Variants in ZDHHC17 observed in about 807,000 individuals in gnomAD.
ZDHHC17 encodes zDHHC palmitoyltransferase 17, also known as palmitoyltransferase ZDHHC17.
In ZDHHC17, 40 loss-of-function variants were observed where a neutral mutation model predicts 90.3. The ratio of observed to expected loss-of-function variants is 0.44; its 90% confidence interval spans 0.34 to 0.58. ZDHHC17 has a LOEUF of 0.58. ZDHHC17 is among the 20% of genes least tolerant of loss of function. ZDHHC17 has a pLI of 0.01. For missense variants in ZDHHC17, 614 were observed against 780.8 expected (o/e 0.79, Z 2.55); for synonymous variants, 235 against 252.4 (o/e 0.93, Z 0.65).
At chr12:76,816,842 T>C (rs1479373362) in intron 7 of ZDHHC17, among the ~76,000 whole-genome samples, 1 of 152,076 alleles carries the variant, frequency 6.6e-6, no homozygotes, top group African/African-American at 2.4e-5. Context: ...AGAAATAGTC[T>C]AATTACAAAC....
chr12:76,827,185 A>T (rs1436420546), intron 9 of ZDHHC17, 135 bp downstream of exon 9: 2 of 977,816 alleles, frequency 2.0e-6, no homozygotes, highest in African/African-American at 1.7e-5. Context: ...CTGTATGTGA[A>T]ATATGAGATT....
intron 2 of ZDHHC17, among the ~76,000 whole-genome samples, chr12:76,798,712 C>T (rs1307284968): frequency 1.3e-5 from 2 of 152,140 alleles, no homozygotes; most frequent in Non-Finnish European, 2.9e-5. Flanking sequence ...GAGGAGTCTT[C>T]AGGAAACTTT....
chr12:76,838,593 A>T (rs1050998471), intron 10 of ZDHHC17, among the ~76,000 whole-genome samples: 7 of 152,158 alleles, frequency 4.6e-5, no homozygotes, highest in African/African-American at 1.7e-4. Context: ...CTGTCTTAAG[A>T]TCTTGCTGAA....
At chr12:76,825,065 G>A (rs537308940) in intron 8 of ZDHHC17, among the ~76,000 whole-genome samples, 2 of 152,214 alleles carry the variant, frequency 1.3e-5, no homozygotes, top group African/African-American at 4.8e-5. Context: ...TTGGGAGTAG[G>A]AGGGAAGTTG....
At chr12:76,827,760 T>A (rs1200667176) in intron 9 of ZDHHC17, among the ~76,000 whole-genome samples, 1 of 152,110 alleles carries the variant, frequency 6.6e-6, no homozygotes, top group Non-Finnish European at 1.5e-5. Flanking sequence ...AGTTAGTGAA[T>A]CTCATTTTAG....
chr12:76,780,683 A>G (rs533892175), intron 1 of ZDHHC17, among the ~76,000 whole-genome samples: 7 of 152,270 alleles, frequency 4.6e-5, no homozygotes, highest in African/African-American at 9.6e-5. Context: ...GTTAAATCCA[A>G]TGATTACTTG....
intron 3 of ZDHHC17, among the ~76,000 whole-genome samples, chr12:76,805,916 CA>C (rs1429292909): frequency 1.3e-5 from 2 of 152,138 alleles, no homozygotes; most frequent in African/African-American, 4.8e-5. Context: ...CTGTTCACAC[CA>C]GCATAAGTGA....
At chr12:76,805,734 G>A (rs1952947552) in intron 3 of ZDHHC17, among the ~76,000 whole-genome samples, 1 of 152,108 alleles carries the variant, frequency 6.6e-6, no homozygotes, top group Admixed American at 6.5e-5. Flanking sequence ...TGGCAAAACT[G>A]AAGCACAGAC....
chr12:76,843,241 TAATA>T (rs1235045550), intron 12 of ZDHHC17, among the ~76,000 whole-genome samples: 18 of 152,190 alleles, frequency 1.2e-4, no homozygotes. Flanking sequence ...CTTAAAATGT[TAATA>T]AATTAAAAAC....
intron 6 of ZDHHC17, 24 bp from the exon 7 acceptor site, chr12:76,815,833 G>GTTT: frequency 3.9e-5 from 44 of 1,141,132 alleles, no homozygotes; most frequent in South Asian, 7.5e-5. Context: ...GTTGTTGTTT[G>GTTT]TTTTTTTTTT....
At chr12:76,843,513 G>T (rs951774699) in intron 12 of ZDHHC17, among the ~76,000 whole-genome samples, 2 of 151,560 alleles carry the variant, frequency 1.3e-5, no homozygotes, top group Non-Finnish European at 2.9e-5. Flanking sequence ...TCCTCATCCA[G>T]GTCATAGGTA....
In ZDHHC17 at chr12:76,785,841, G is replaced by C. The variant is rs558941409; in HGVS notation, c.94-11593G>C. On this transcript the variant is annotated intron_variant, in intron 1 of 16. Coordinates refer to ENST00000426126, the MANE Select transcript of ZDHHC17 (RefSeq NM_015336.4). The stretch of plus-strand genomic sequence containing the variant: ...TGTAGGATGTGTAGAAGGGAATGGT[G>C]GATACTAAAGCTGGAAAAAGCAAAC... 2.0e-5 allele frequency among the ~76,000 whole-genome samples: 3 copies of C among 152,112 alleles called. No individual in the cohort carries two copies. The South Asian group carries it at 6.2e-4, about 32-fold the overall frequency.
intron 2 of ZDHHC17, among the ~76,000 whole-genome samples, chr12:76,802,918 CT>C (rs927391787): frequency 1.3e-5 from 2 of 151,622 alleles, no homozygotes; most frequent in Non-Finnish European, 2.9e-5. Flanking sequence ...TACAGCCGTT[CT>C]TTTTTTTGTT....
chr12:76,828,600 A>G (rs1398332602), intron 10 of ZDHHC17, 110 bp downstream of exon 10: 1 of 871,416 alleles, frequency 1.1e-6, no homozygotes, highest in Non-Finnish European at 1.7e-6. Context: ...ATACATTAAA[A>G]TAGTGTTCCT....
chr12:76,781,534 G>C (rs1258445544), intron 1 of ZDHHC17: 2 of 440,506 alleles, frequency 4.5e-6, no homozygotes, highest in African/African-American at 4.0e-5. Flanking sequence ...TTTGTTACTC[G>C]AGAGTGGGTG....
intron 10 of ZDHHC17, among the ~76,000 whole-genome samples, chr12:76,830,221 T>C (rs964697970): frequency 2.6e-5 from 4 of 152,236 alleles, no homozygotes; most frequent in Admixed American, 2.6e-4. Flanking sequence ...TGGTGACTTG[T>C]AACTGTTCTA....
chr12:76,792,096 A>G (rs747960871), intron 1 of ZDHHC17, among the ~76,000 whole-genome samples: 14 of 152,180 alleles, frequency 9.2e-5, no homozygotes, highest in Non-Finnish European at 1.8e-4. Flanking sequence ...GTCAGTAAGA[A>G]GAGTTGAAAA....
At chr12:76,771,269 G>T (rs1952489535) in intron 1 of ZDHHC17, among the ~76,000 whole-genome samples, 1 of 152,154 alleles carries the variant, frequency 6.6e-6, no homozygotes, top group Admixed American at 6.5e-5. Flanking sequence ...TGAAAGTACA[G>T]TGAAACTTCA....
At chr12:76,795,883 ATTTC>A (rs571385835) in intron 1 of ZDHHC17, among the ~76,000 whole-genome samples, 2 of 152,166 alleles carry the variant, frequency 1.3e-5, no homozygotes, top group East Asian at 1.9e-4. Context: ...AATGATGTAT[ATTTC>A]TTTCTTCTAA....
Sources: gnomAD v4.1 joint callset for allele counts (sites outside exome capture counted in the v4.1 genomes callset) on GRCh38, gnomAD v4.1.1 for gene constraint, MANE v1.5 for transcripts, NCBI Gene and HGNC (gene_info 2026-07-23, HGNC 2026-07-21) for gene names.